Variants in CRAMP1 observed in about 807,000 individuals in gnomAD.
The protein encoded by CRAMP1 is protein cramped-like.
Under a neutral mutation model 115.4 loss-of-function variants are expected in CRAMP1, and 50 were observed. The ratio of observed to expected loss-of-function variants is 0.43; its 90% CI spans 0.35 to 0.55. CRAMP1 has a LOEUF of 0.55. CRAMP1 is among the 20% of genes least tolerant of loss of function. The pLI is 0.01. For synonymous variants in CRAMP1, 866 were observed against 745.4 expected, an observed-to-expected ratio of 1.16 and a Z score of -2.64; for missense variants, 1,679 against 1,721.7, an observed-to-expected ratio of 0.98 and a Z score of 0.44.
At chr16:1,647,277 G>A (rs1332436062) in intron 6 of CRAMP1, among the ~76,000 whole-genome samples, 3 of 152,172 alleles carry the variant, frequency 2.0e-5, no homozygotes, top group Admixed American at 6.5e-5. Flanking sequence ...TACGTGGTTC[G>A]CAGACCCAGA....
At chr16:1,657,266 A>G (rs1409463019) in intron 10 of CRAMP1, among the ~76,000 whole-genome samples, 1 of 152,228 alleles carries the variant, frequency 6.6e-6, no homozygotes, top group African/African-American at 2.4e-5. Context: ...ACTTACGTGC[A>G]CGGTTCCAGA....
intron 6 of CRAMP1, among the ~76,000 whole-genome samples, chr16:1,641,821 CGCCACA>C (rs1270815586): frequency 1.0e-3 from 152 of 151,628 alleles, no homozygotes; most frequent in East Asian, 3.7e-3. Context: ...AAGGTCCCCA[CGCCACA>C]GCCTGGGGGG....
At chr16:1,649,308 G>A (rs1358275334) in intron 6 of CRAMP1, among the ~76,000 whole-genome samples, 4 of 152,074 alleles carry the variant, frequency 2.6e-5, no homozygotes, top group Non-Finnish European at 4.4e-5. Flanking sequence ...AGACGGACAC[G>A]TGAGTGGATG....
chr16:1,613,685 G>A (rs542454193), intron 1 of CRAMP1, among the ~76,000 whole-genome samples: 1 of 152,282 alleles, frequency 6.6e-6, no homozygotes, highest in Admixed American at 6.5e-5. Flanking sequence ...GCGGTGGGTA[G>A]CAAAGTTGAT....
At chr16:1,617,475 A>G (rs1265291784) in intron 2 of CRAMP1, among the ~76,000 whole-genome samples, 1 of 152,242 alleles carries the variant, frequency 6.6e-6, no homozygotes, top group Non-Finnish European at 1.5e-5. Context: ...ATCCTCTTAC[A>G]TTCTGGAGAA....
At chr16:1,635,340 T>C (rs1282537489) in intron 4 of CRAMP1, among the ~76,000 whole-genome samples, 2 of 152,250 alleles carry the variant, frequency 1.3e-5, no homozygotes, top group Non-Finnish European at 2.9e-5. Context: ...CTTGCGTGTG[T>C]GTTCGTCTTA....
At position 1,614,988 on chromosome 16, in the gene CRAMP1, A is replaced by T; in HGVS notation, c.346+3A>T. ...TGGCTCGGGGCCCCGCGGAAAAGGT[A>T]GGGCGGCCCGTCCCCTTGGGAGACC... On this transcript the variant is annotated splice_donor_region_variant and intron_variant, in intron 2 of 20. Coordinates refer to ENST00000397412, the MANE Select transcript of CRAMP1 (RefSeq NM_020825.4). The surrounding 1 kb of genome is among the most constrained non-coding windows in gnomAD (Gnocchi z 4.4). 1 of 1,249,460 alleles carries T rather than the reference A, an allele frequency of 8.0e-7. No homozygotes were observed. The highest frequency in any genetic ancestry group is 1.0e-6 in the Non-Finnish European group (1 of 995,856). 77.4% of individuals were successfully genotyped at this position (1,249,460 alleles called of 1,614,324 possible).
At chr16:1,627,100 T>G (rs2036514252) in intron 3 of CRAMP1, among the ~76,000 whole-genome samples, 1 of 152,180 alleles carries the variant, frequency 6.6e-6, no homozygotes, top group African/African-American at 2.4e-5. Flanking sequence ...TTAGACTGCT[T>G]CTTTGGCATA....
intron 2 of CRAMP1, chr16:1,620,730 A>G: frequency 2.2e-6 from 1 of 453,992 alleles, no homozygotes; most frequent in Non-Finnish European, 4.4e-6. Context: ...AGGCTGAGGG[A>G]GGGACTTTGA....
chr16:1,649,893 G>C (rs1020495717), intron 6 of CRAMP1, among the ~76,000 whole-genome samples: 2 of 148,982 alleles, frequency 1.3e-5, no homozygotes, highest in South Asian at 4.2e-4. Context: ...TCCTGGGTTC[G>C]AGTGATTCTC....
In CRAMP1 at chr16:1,624,973, C is replaced by T. The variant is rs1042759800; in HGVS notation, c.347-1000C>T. ...AACTTTTGGCCTCAAGTGATCCACC[C>T]GCCTCAGCCTCCCAAAGTGCTGGGA... On this transcript the variant is annotated intron_variant, in intron 2 of 20. Coordinates refer to ENST00000397412, the MANE Select transcript of CRAMP1 (RefSeq NM_020825.4). 1.1e-4 allele frequency among the ~76,000 whole-genome samples: 16 copies of T among 151,900 alleles called. 1 individual carries two copies. Among genetic ancestry groups the T allele is most frequent in the African/African-American group, 3.4e-4 (14 of 41,308 alleles).
At chr16:1,620,237 C>T (rs1244235751) in intron 2 of CRAMP1, among the ~76,000 whole-genome samples, 4 of 152,174 alleles carry the variant, frequency 2.6e-5, no homozygotes, top group Non-Finnish European at 5.9e-5. Flanking sequence ...TGGAGGTGGA[C>T]GCGTTGGACC....
intron 1 of CRAMP1, among the ~76,000 whole-genome samples, chr16:1,613,345 A>T (rs769578049): frequency 6.6e-6 from 1 of 152,146 alleles, no homozygotes; most frequent in Non-Finnish European, 1.5e-5. Flanking sequence ...TGGGGGCATC[A>T]TTGCGACTTT....
chr16:1,644,498 A>G (rs905854801), intron 6 of CRAMP1, among the ~76,000 whole-genome samples: 10 of 152,134 alleles, frequency 6.6e-5, no homozygotes, highest in African/African-American at 1.9e-4. Context: ...CATGTACAGT[A>G]ACTGGGGATG....
At chr16:1,659,759 G>C in intron 10 of CRAMP1, 127 bp from the exon 11 acceptor site, 1 of 911,010 alleles carries the variant, frequency 1.1e-6, no homozygotes, top group East Asian at 2.6e-5. Context: ...CTCTGGCCCT[G>C]GCCTTTGCCG....
At position 1,656,373 on chromosome 16, in the gene CRAMP1, G is replaced by T. The variant is rs370114636; in HGVS notation, c.1616G>T (p.Gly539Val). 183 of 1,599,090 alleles carry T rather than the reference G, an allele frequency of 1.1e-4. 3 individuals are homozygous for T. The South Asian group carries it at 1.9e-3, about 17-fold the overall frequency. Residue 539 changes from glycine (G) to valine (V), a missense_variant, in exon 10 of 21, where the codon GGG becomes GTG. By Grantham distance (109) the Gly-to-Val change is moderately radical. Coordinates refer to ENST00000397412, the MANE Select transcript of CRAMP1 (RefSeq NM_020825.4). This position sits in a 1 kb window ranked among gnomAD's most constrained non-coding sequence, Gnocchi z 5.6. ...EGRDSPTREPGALPCACGQLP... is the reference protein window; with the variant it reads ...EGRDSPTREPVALPCACGQLP... ...AGGGACAGTCCCACCCGGGAGCCAG[G>T]GGCCTTGCCGTGTGCCTGTGGCCAG...
chr16:1,644,481 G>A (rs1367741366), intron 6 of CRAMP1, among the ~76,000 whole-genome samples: 1 of 152,202 alleles, frequency 6.6e-6, no homozygotes, highest in Non-Finnish European at 1.5e-5. Context: ...TTAGCATGTG[G>A]TGTAGACATG....
rs2036781958 is a variant in CRAMP1, at chr16:1,656,982, A to G, written c.2225A>G (p.Asn742Ser). The G allele has an allele frequency of 2.6e-6, 4 of 1,530,624 alleles. No individual in the cohort carries two copies. The South Asian group carries it at 5.0e-5, about 19-fold the overall frequency. 94.8% of individuals were successfully genotyped at this position (1,530,624 alleles called of 1,614,324 possible). ...CTGAAGCTCATTTCCACCGAGGTCA[A>G]CCCCAAGCTGGTGAGTGGGTTGGAG... Reference protein sequence around the residue: ...CLLKLISTEVNPKLALEANTI... With the variant: ...CLLKLISTEVSPKLALEANTI... Residue 742 changes from asparagine (N) to serine (S), a missense_variant, in exon 10 of 21, where the codon AAC becomes AGC. By Grantham distance (46) the Asn-to-Ser change is conservative (BLOSUM62 1). This residue lies in a region of CRAMP1 where 709 missense variants were observed against 741.9 expected (regional missense o/e 0.96). Transcript: ENST00000397412. This position sits in a 1 kb window ranked among gnomAD's most constrained non-coding sequence, Gnocchi z 5.6.
At position 1,644,623 on chromosome 16, in the gene CRAMP1, T is replaced by G. The variant is rs111951728; in HGVS notation, c.827+3436T>G. 2.0e-5 allele frequency among the ~76,000 whole-genome samples: 3 copies of G among 151,890 alleles called. No homozygotes were observed. The East Asian group carries it at 5.8e-4, about 29-fold the overall frequency. ...AGGGGCCACACAAAGAGTTGGGGAA[T>G]CACCTGGCCCAGGGAAAGGAAGGTG... On this transcript the variant is annotated intron_variant, in intron 6 of 20. Transcript: ENST00000397412.
Sources: gnomAD v4.1 joint callset for allele counts (sites outside exome capture counted in the v4.1 genomes callset) on GRCh38, gnomAD v4.1.1 for gene constraint, gnomAD v4.1.1 regional missense constraint, Gnocchi (gnomAD v3.1) non-coding constraint, MANE v1.5 for transcripts, NCBI Gene and HGNC (gene_info 2026-07-23, HGNC 2026-07-21) for gene names.